Variants in COL23A1 observed in about 807,000 individuals in gnomAD.
COL23A1 encodes collagen type XXIII alpha 1 chain, also known as collagen alpha-1(XXIII) chain.
COL23A1 carries 97 observed loss-of-function variants against 99.3 expected under a neutral mutation model. The observed-to-expected ratio is 0.98, with a 90% CI of 0.83 to 1.16. The LOEUF is 1.16. COL23A1 is among the 50% of genes most tolerant of loss of function. The pLI, the probability that COL23A1 is intolerant of heterozygous loss-of-function variation, is 0.00. For missense variants in COL23A1, 762 were observed against 757.4 expected (o/e 1.01, Z -0.07); for synonymous variants, 320 against 308.2 (o/e 1.04, Z -0.40).
In COL23A1 at chr5:178,340,716, CA is replaced by C. The variant is rs1436092446; in HGVS notation, c.362-33798del. Among the ~76,000 whole-genome samples, 1 of 152,238 alleles carries C rather than the reference CA, an allele frequency of 6.6e-6. No individual in the cohort carries two copies. The highest frequency in any genetic ancestry group is 1.5e-5 in the Non-Finnish European group (1 of 68,042). ...CGGGGATTCTAGTCCTCGGCCCTCC[CA>C]GGGGCAGTGAGGGAGTCTCACCGGA... is the stretch of plus-strand genomic sequence containing the variant. On this transcript the variant is annotated intron_variant, in intron 2 of 28. Coordinates refer to ENST00000390654, the MANE Select transcript of COL23A1 (RefSeq NM_173465.4). The surrounding 1 kb of genome is among the most constrained non-coding windows in gnomAD (Gnocchi z 4.7).
In COL23A1 at chr5:178,245,294, CCAT is replaced by C. The variant is rs567590018; in HGVS notation, c.1440+645_1440+647del. On this transcript the variant is annotated intron_variant, in intron 25 of 28. Transcript: ENST00000390654. Reference sequence around the variant, plus strand: ...CATCCATCCATCCATCCCTCCACTGCCATCATCATCCATCCATCCATCCATCCA... The same window carrying C: ...CATCCATCCATCCATCCCTCCACTGCCATCATCCATCCATCCATCCATCCA... Among the ~76,000 whole-genome samples the C allele has an allele frequency of 3.3e-3, 472 of 143,742 alleles. 4 individuals are homozygous for C. Among genetic ancestry groups the C allele is most frequent in the African/African-American group, 0.011 (438 of 38,506 alleles). 94.3% of individuals were successfully genotyped at this position (143,742 alleles called of 152,430 possible).
chr5:178,524,823 C>T (rs1403673038), intron 2 of COL23A1, among the ~76,000 whole-genome samples: 1 of 152,234 alleles, frequency 6.6e-6, no homozygotes, highest in Non-Finnish European at 1.5e-5. Flanking sequence ...ACAGATCACT[C>T]ACTCACTCAC....
At chr5:178,251,925 T>TTTTTTA (rs1554125608) in intron 17 of COL23A1, among the ~76,000 whole-genome samples, 33 of 142,804 alleles carry the variant, frequency 2.3e-4, no homozygotes, top group South Asian at 4.5e-4. Context: ...TTTTTTTTTT[T>TTTTTTA]ATTTTGAGAC....
chr5:178,370,504 G>A (rs1159567900), intron 2 of COL23A1, among the ~76,000 whole-genome samples: 6 of 152,116 alleles, frequency 3.9e-5, no homozygotes, highest in South Asian at 4.1e-4. Flanking sequence ...GAAACTTGGC[G>A]GCAGGGGATT....
intron 2 of COL23A1, among the ~76,000 whole-genome samples, chr5:178,333,651 GCTC>G (rs1760162925): frequency 6.6e-6 from 1 of 152,084 alleles, no homozygotes; most frequent in Admixed American, 6.5e-5. Context: ...CCATCCTGGC[GCTC>G]CTCATCCTGG....
chr5:178,356,621 A>G (rs1581214247), intron 2 of COL23A1, among the ~76,000 whole-genome samples: 1 of 88,712 alleles, frequency 1.1e-5, no homozygotes, highest in Middle Eastern at 4.2e-3. Flanking sequence ...GAGACACAGG[A>G]AAAAAAAGGC....
chr5:178,314,597 C>T (rs1335997733), intron 2 of COL23A1, among the ~76,000 whole-genome samples: 1 of 152,170 alleles, frequency 6.6e-6, no homozygotes, highest in African/African-American at 2.4e-5. Context: ...AAGGAGCTGA[C>T]AGCACCAGAT....
rs562386666 is a variant in COL23A1, at chr5:178,502,346, T to C, written c.361+58336A>G. On this transcript the variant is annotated intron_variant, in intron 2 of 28. Coordinates refer to ENST00000390654, the MANE Select transcript of COL23A1 (RefSeq NM_173465.4). Reference sequence around the variant, plus strand: ...CGGGGTTTCACCATGTTAGCCAGGATGGTCTCGATCTTCTGACCTTGTGAT... The same window carrying C: ...CGGGGTTTCACCATGTTAGCCAGGACGGTCTCGATCTTCTGACCTTGTGAT... 2.6e-4 allele frequency among the ~76,000 whole-genome samples: 39 copies of C among 152,322 alleles called. No individual in the cohort carries two copies. In the East Asian group the frequency reaches 3.9e-3, roughly 15 times the overall value.
At chr5:178,560,873 G>T (rs2113567045) in intron 1 of COL23A1, 125 bp from the exon 2 acceptor site, 1 of 846,576 alleles carries the variant, frequency 1.2e-6, no homozygotes, top group Non-Finnish European at 1.8e-6. Flanking sequence ...GGGGCTGTCT[G>T]TGAGACCATC....
intron 2 of COL23A1, among the ~76,000 whole-genome samples, chr5:178,424,119 C>A (rs1765777445): frequency 6.6e-6 from 1 of 152,190 alleles, no homozygotes; most frequent in Non-Finnish European, 1.5e-5. Context: ...CGCGCTTGCT[C>A]CCTGCTCCAA....
rs1365009431 is a variant in COL23A1, at chr5:178,468,021, A to G, written c.361+92661T>C. Among the ~76,000 whole-genome samples the G allele has an allele frequency of 6.6e-6, 1 of 152,138 alleles. No individual in the cohort carries two copies. The highest frequency in any genetic ancestry group is 1.9e-4 in the East Asian group (1 of 5,180). On this transcript the variant is annotated intron_variant, in intron 2 of 28. Coordinates refer to ENST00000390654, the MANE Select transcript of COL23A1 (RefSeq NM_173465.4). The surrounding 1 kb of genome is among the most constrained non-coding windows in gnomAD (Gnocchi z 4.2). ...AAGGCGGCGATGCTCTCTGGAGCGG[A>G]CAGGCGTATTTAATATCCCACCCAC...
At chr5:178,363,596 T>C (rs1762293153) in intron 2 of COL23A1, among the ~76,000 whole-genome samples, 1 of 152,146 alleles carries the variant, frequency 6.6e-6, no homozygotes, top group Admixed American at 6.5e-5. Flanking sequence ...TCAGCACCCA[T>C]ATGAAGTCCA....
chr5:178,543,144 G>A (rs1761387561), intron 2 of COL23A1, among the ~76,000 whole-genome samples: 1 of 149,544 alleles, frequency 6.7e-6, no homozygotes, highest in South Asian at 2.1e-4. Flanking sequence ...TTTCGCGCTT[G>A]TCGCCCAGGC....
At chr5:178,319,935 G>A (rs979486574) in intron 2 of COL23A1, among the ~76,000 whole-genome samples, 17 of 152,134 alleles carry the variant, frequency 1.1e-4, no homozygotes, top group African/African-American at 2.7e-4. Context: ...ATGCCCCTCC[G>A]TCACTCCTCA....
At chr5:178,530,958 C>T (rs1760613555) in intron 2 of COL23A1, among the ~76,000 whole-genome samples, 1 of 152,172 alleles carries the variant, frequency 6.6e-6, no homozygotes, top group African/African-American at 2.4e-5. Context: ...ACCTCCATCT[C>T]CTGGGTTCAT....
At chr5:178,462,999 C>A (rs751904508) in intron 2 of COL23A1, among the ~76,000 whole-genome samples, 5 of 152,236 alleles carry the variant, frequency 3.3e-5, no homozygotes, top group Non-Finnish European at 5.9e-5. Flanking sequence ...AGGCTGGCAC[C>A]ATGTACCTTA....
intron 3 of COL23A1, among the ~76,000 whole-genome samples, chr5:178,295,819 A>C (rs538763050): frequency 4.6e-5 from 7 of 152,366 alleles, no homozygotes; most frequent in African/African-American, 1.7e-4. Context: ...CTGATATGGA[A>C]CTATCTCCAG....
chr5:178,585,752 T>TGG (rs1562115800), intron 1 of COL23A1, among the ~76,000 whole-genome samples: 13 of 5,482 alleles, frequency 2.4e-3, no homozygotes, highest in Admixed American at 7.8e-3. Context: ...CTGACCCTGT[T>TGG]GGTTGCTCCC....
At chr5:178,511,158 T>C (rs1247122045) in intron 2 of COL23A1, among the ~76,000 whole-genome samples, 2 of 152,228 alleles carry the variant, frequency 1.3e-5, no homozygotes, top group African/African-American at 4.8e-5. Context: ...TAAATTTTCA[T>C]CAAATTTTTA....
Sources: allele counts gnomAD v4.1 joint callset (sites outside exome capture counted in the v4.1 genomes callset), GRCh38; gene constraint gnomAD v4.1.1; non-coding constraint Gnocchi (gnomAD v3.1); transcripts MANE v1.5; gene names NCBI Gene and HGNC (gene_info 2026-07-23, HGNC 2026-07-21).